Variants in ABLIM2 observed in about 807,000 individuals in gnomAD.
The protein encoded by ABLIM2 is actin binding LIM protein family member 2.
ABLIM2 carries 53 observed loss-of-function variants against 97.7 expected under a neutral mutation model. The observed-to-expected ratio is 0.54, with a 90% CI of 0.44 to 0.68. The LOEUF (loss-of-function observed/expected upper bound fraction) is 0.68, where lower values mean the gene tolerates loss of function less well. Among genes scored for constraint, ABLIM2 ranks in the 30% least tolerant of loss-of-function variants. The pLI, the probability that ABLIM2 is intolerant of heterozygous loss-of-function variation, is 0.00. For missense variants in ABLIM2, 835 were observed against 867.2 expected (o/e 0.96, Z 0.47); for synonymous variants, 361 against 345.8 (o/e 1.04, Z -0.49).
intron 3 of ABLIM2, among the ~76,000 whole-genome samples, chr4:8,089,196 C>T (rs1417015206): frequency 1.3e-5 from 2 of 152,290 alleles, no homozygotes; most frequent in Admixed American, 6.5e-5. Context: ...TCCTGCAGTC[C>T]GGGGATGTCT....
At chr4:7,993,559 C>A (rs778989814) in intron 16 of ABLIM2, among the ~76,000 whole-genome samples, 3 of 152,138 alleles carry the variant, frequency 2.0e-5, no homozygotes, top group African/African-American at 7.2e-5. Context: ...CGCCTGTGGT[C>A]CCAGCTATTT....
At chr4:7,993,890 CCCTGGGTGGG>C (rs1750970892) in intron 16 of ABLIM2, 2 of 505,078 alleles carry the variant, frequency 4.0e-6, no homozygotes, top group South Asian at 1.5e-5. Context: ...CCCTGGCTGG[CCCTGGGTGGG>C]CCTGGGAGCT....
Position 8,020,357 on chromosome 4 carries a change from T to C in ABLIM2, c.1268-54A>G, listed in dbSNP as rs1190135555. ...TAGAAGGGGAAACGGGAAAGCAAAG[T>C]AGAATATTTCAAGCATGAAAAGCTT... On this transcript the variant is annotated intron_variant, in intron 12 of 20. Transcript: ENST00000447017. 3 of 1,476,772 alleles carry C rather than the reference T, an allele frequency of 2.0e-6. No homozygotes were observed. The East Asian group carries it at 6.9e-5, about 34-fold the overall frequency. The allele number at this position is 1,476,772 out of a possible 1,614,324, so 91.5% of individuals were successfully genotyped here. A position where few individuals can be genotyped will look rare whatever the true frequency, so the allele number is the denominator to read the frequency against.
rs915884518 is a variant in ABLIM2, at chr4:8,087,137, C to G, written c.454+1032G>C. Among the ~76,000 whole-genome samples, 2 of 152,170 alleles carry G rather than the reference C, an allele frequency of 1.3e-5. No homozygotes were observed. The highest frequency in any genetic ancestry group is 2.9e-5 in the Non-Finnish European group (2 of 68,026). ...ATTAATTGCGGGCAAGATGTTGACC[C>G]CAGAAATCAGGAGAAACCCCTCCTC... On this transcript the variant is annotated intron_variant, in intron 4 of 20. Transcript: ENST00000447017. The surrounding 1 kb of genome is among the most constrained non-coding windows in gnomAD (Gnocchi z 4.6).
rs1385798040 is a variant in ABLIM2, at chr4:8,147,536, A to C, written c.10+11144T>G. On this transcript the variant is annotated intron_variant, in intron 1 of 20. Transcript: ENST00000447017. This position sits in a 1 kb window ranked among gnomAD's most constrained non-coding sequence, Gnocchi z 5.3. ...GGCGGGCTCTGAGTGCAATCTCAAG[A>C]GTCCTTATGGGGAGGAGGGAGCGGG... 3.9e-5 allele frequency among the ~76,000 whole-genome samples: 6 copies of C among 152,172 alleles called. No homozygotes were observed. The highest frequency in any genetic ancestry group is 1.4e-4 in the African/African-American group (6 of 41,438).
chr4:8,089,729 T>G (rs1577526118), intron 3 of ABLIM2, among the ~76,000 whole-genome samples: 1 of 53,314 alleles, frequency 1.9e-5, no homozygotes, highest in African/African-American at 8.9e-5. Flanking sequence ...GTGAGATTCA[T>G]ATCAAAAAAA....
At chr4:7,975,944 C>T (rs940464016) in intron 20 of ABLIM2, among the ~76,000 whole-genome samples, 2 of 152,156 alleles carry the variant, frequency 1.3e-5, no homozygotes, top group African/African-American at 4.8e-5. Context: ...AAACATATGT[C>T]CCACGAAGAA....
chr4:7,995,300 C>T (rs574462086), intron 16 of ABLIM2, among the ~76,000 whole-genome samples: 9 of 152,294 alleles, frequency 5.9e-5, no homozygotes, highest in East Asian at 1.9e-4. Flanking sequence ...GCCCTGGTGG[C>T]GGAGATCGGC....
chr4:8,007,776 A>C, intron 16 of ABLIM2: 1 of 1,215,618 alleles, frequency 8.2e-7, no homozygotes, highest in African/African-American at 1.5e-5. Context: ...ACAGCCCAGG[A>C]GCAGGTCTGG....
intron 17 of ABLIM2, among the ~76,000 whole-genome samples, chr4:7,989,998 G>A (rs898219137): frequency 6.6e-6 from 1 of 152,166 alleles, no homozygotes; most frequent in Non-Finnish European, 1.5e-5. Flanking sequence ...ACGTTTTAAT[G>A]ACCTTTAGGA....
intron 1 of ABLIM2, among the ~76,000 whole-genome samples, chr4:8,142,391 T>C (rs1232280233): frequency 6.6e-6 from 1 of 152,202 alleles, no homozygotes; most frequent in Non-Finnish European, 1.5e-5. Context: ...GGGGGTGCAC[T>C]GGCAGACTGC....
chr4:8,035,416 C>T (rs1043031776), intron 10 of ABLIM2, among the ~76,000 whole-genome samples: 1 of 152,172 alleles, frequency 6.6e-6, no homozygotes, highest in Non-Finnish European at 1.5e-5. Context: ...CCAAGGGAAA[C>T]GTGTTTGAAA....
At chr4:8,047,565 A>G (rs1793386156) in intron 8 of ABLIM2, among the ~76,000 whole-genome samples, 1 of 152,230 alleles carries the variant, frequency 6.6e-6, no homozygotes, top group African/African-American at 2.4e-5. Flanking sequence ...CGATGGCCCA[A>G]TACCACCTGC....
At chr4:8,012,101 C>G (rs1765307272) in intron 14 of ABLIM2, among the ~76,000 whole-genome samples, 1 of 150,722 alleles carries the variant, frequency 6.6e-6, no homozygotes. Flanking sequence ...CATCCATCTG[C>G]CCATCCATCC....
At chr4:8,118,210 C>A (rs1517525) in intron 1 of ABLIM2, among the ~76,000 whole-genome samples, 6 of 152,104 alleles carry the variant, frequency 3.9e-5, no homozygotes, top group Non-Finnish European at 8.8e-5. Context: ...GCTCAACACA[C>A]GCCAGGGCTT....
intron 1 of ABLIM2, among the ~76,000 whole-genome samples, chr4:8,141,314 A>T (rs1008898542): frequency 6.6e-6 from 1 of 152,046 alleles, no homozygotes; most frequent in African/African-American, 2.4e-5. Context: ...TAAGACCCAC[A>T]AGTCCAAGCC....
In ABLIM2 at chr4:8,071,159, G is replaced by T. The variant is rs913014369; in HGVS notation, c.675+6469C>A. Among the ~76,000 whole-genome samples the T allele has an allele frequency of 1.8e-5, 2 of 110,586 alleles. No homozygotes were observed. The highest frequency in any genetic ancestry group is 9.6e-5 in the Admixed American group (1 of 10,448). The allele number at this position is 110,586 out of a possible 152,430, so 72.5% of individuals were successfully genotyped here. On this transcript the variant is annotated intron_variant, in intron 6 of 20. Transcript: ENST00000447017. The surrounding 1 kb of genome is among the most constrained non-coding windows in gnomAD (Gnocchi z 6.2). ...CGCCAGCTGAGTCCCAGCTCCCTCT[G>T]TGGGGGCAGCGCCATCCGTCCCCAG...
chr4:8,066,414 GAAGGAAGGAAGGAA>G (rs1807696096), intron 6 of ABLIM2: 1 of 144,820 alleles, frequency 6.9e-6, no homozygotes, highest in African/African-American at 2.5e-5. Context: ...AGGAAGGAAG[GAAGGAAGGAAGGAA>G]GGGAGGGGTG....
chr4:8,032,143 G>A lies in ABLIM2; in HGVS notation c.1048-2367C>T, dbSNP rs1317235385. ...TTCTGCTGTGGCCACCCGTGCGGCC[G>A]CACAGACTGCAGTCTGATTGGCAGC... is the stretch of plus-strand genomic sequence containing the variant. On this transcript the variant is annotated intron_variant, in intron 10 of 20. Transcript: ENST00000447017. This position sits in a 1 kb window ranked among gnomAD's most constrained non-coding sequence, Gnocchi z 4.3. 6.6e-6 allele frequency among the ~76,000 whole-genome samples: 1 copy of A among 151,392 alleles called. No individual in the cohort carries two copies. The highest frequency in any genetic ancestry group is 1.5e-5 in the Non-Finnish European group (1 of 67,936).
Sources: allele counts gnomAD v4.1 joint callset (sites outside exome capture counted in the v4.1 genomes callset), GRCh38; gene constraint gnomAD v4.1.1; non-coding constraint Gnocchi (gnomAD v3.1); transcripts MANE v1.5; gene names NCBI Gene and HGNC (gene_info 2026-07-23, HGNC 2026-07-21).